The following SVIL variants were observed in gnomAD, a reference collection of about 807,000 sequenced individuals.
SVIL encodes the protein supervillin, also known as archvillin.
SVIL carries 101 observed loss-of-function variants against 240.4 expected under a neutral mutation model. The observed-to-expected ratio is 0.42, with a 90% CI of 0.36 to 0.50. SVIL has a LOEUF of 0.50. SVIL is among the 20% of genes least tolerant of loss of function. SVIL has a pLI of 0.01. For synonymous variants in SVIL, 999 were observed against 1,100.0 expected, an observed-to-expected ratio of 0.91 and a Z score of 1.82; for missense variants, 2,512 against 2,818.7, an observed-to-expected ratio of 0.89 and a Z score of 2.46.
chr10:29,565,519 G>A (rs1954898394), intron 2 of SVIL, among the ~76,000 whole-genome samples: 1 of 152,118 alleles, frequency 6.6e-6, no homozygotes, highest in African/African-American at 2.4e-5. Flanking sequence ...GCCATCGTGT[G>A]GCTTCATTTC....
chr10:29,531,224 A>G, intron 10 of SVIL, 30 bp downstream of exon 10: 1 of 1,611,544 alleles, frequency 6.2e-7, no homozygotes, highest in South Asian at 1.1e-5. Flanking sequence ...GAGATAATAA[A>G]GAAGAAAAAA....
At chr10:29,472,668 T>C (rs1265464899) in intron 30 of SVIL, among the ~76,000 whole-genome samples, 3 of 151,906 alleles carry the variant, frequency 2.0e-5, no homozygotes, top group Non-Finnish European at 4.4e-5. Context: ...CTGCCAAGCA[T>C]GATGCAGGCC....
At chr10:29,660,722 T>A (rs904802493) in intron 2 of SVIL, among the ~76,000 whole-genome samples, 1 of 152,316 alleles carries the variant, frequency 6.6e-6, no homozygotes, top group East Asian at 1.9e-4. Context: ...GCTCACGTCT[T>A]CCCCTGGCTC....
intron 1 of SVIL, among the ~76,000 whole-genome samples, chr10:29,693,318 G>T (rs1284951573): frequency 6.6e-6 from 1 of 150,930 alleles, no homozygotes; most frequent in Non-Finnish European, 1.5e-5. Context: ...GGGATGGGGG[G>T]TGGGGGAGAG....
At chr10:29,459,987 G>A (rs958313712) in intron 36 of SVIL, among the ~76,000 whole-genome samples, 1 of 152,142 alleles carries the variant, frequency 6.6e-6, no homozygotes, top group Non-Finnish European at 1.5e-5. Context: ...CCTACTTGGG[G>A]TGGCTGAGGT....
At chr10:29,718,099 G>A (rs887901334) in intron 1 of SVIL, among the ~76,000 whole-genome samples, 9 of 152,022 alleles carry the variant, frequency 5.9e-5, no homozygotes, top group Non-Finnish European at 1.0e-4. Flanking sequence ...AGGCCGAGGC[G>A]GGTGGATCAT....
chr10:29,718,725 T>C (rs1963791005), intron 1 of SVIL, among the ~76,000 whole-genome samples: 1 of 152,102 alleles, frequency 6.6e-6, no homozygotes, highest in South Asian at 2.1e-4. Flanking sequence ...GCAAACTACA[T>C]GTGCCTGAGG....
chr10:29,652,794 T>C (rs1251721881), intron 3 of SVIL, among the ~76,000 whole-genome samples: 2 of 152,218 alleles, frequency 1.3e-5, no homozygotes, highest in African/African-American at 2.4e-5. Context: ...TGGCTAATGA[T>C]AGTAAAAACC....
intron 1 of SVIL, among the ~76,000 whole-genome samples, chr10:29,591,384 A>G (rs920557838): frequency 1.3e-5 from 2 of 152,200 alleles, no homozygotes; most frequent in African/African-American, 2.4e-5. Flanking sequence ...AGGGAATCCA[A>G]ACTAAGAGGC....
At chr10:29,499,094 A>C (rs746513056) in intron 18 of SVIL, 22 bp downstream of exon 18, 1 of 1,611,700 alleles carries the variant, frequency 6.2e-7, no homozygotes, top group Non-Finnish European at 8.5e-7. Flanking sequence ...CACACCACAC[A>C]CATGGACACA....
chr10:29,529,175 C>CAA (rs66523560), intron 12 of SVIL, among the ~76,000 whole-genome samples: 58 of 66,038 alleles, frequency 8.8e-4, no homozygotes, highest in African/African-American at 1.3e-3. Context: ...GACTCTCTCT[C>CAA]AAAAAAAAAA....
intron 3 of SVIL, among the ~76,000 whole-genome samples, chr10:29,562,131 G>GA (rs1390675407): frequency 6.6e-6 from 1 of 152,130 alleles, no homozygotes; most frequent in East Asian, 1.9e-4. Flanking sequence ...TTTCAGAGTA[G>GA]AAAAAATCTG....
chr10:29,468,883 TAC>T (rs1379734543), intron 32 of SVIL: 3 of 152,120 alleles, frequency 2.0e-5, no homozygotes, highest in African/African-American at 7.2e-5. Context: ...TACAGAACAA[TAC>T]ATATTGACTA....
intron 12 of SVIL, among the ~76,000 whole-genome samples, chr10:29,528,002 T>A (rs1951060039): frequency 6.6e-6 from 1 of 152,162 alleles, no homozygotes. Flanking sequence ...GTGCTGGGAT[T>A]ACAGGTGTGA....
chr10:29,470,474 C>T lies in SVIL; in HGVS notation c.5645G>A (p.Arg1882Gln), dbSNP rs118012084. 6.2e-6 allele frequency: 10 copies of T among 1,614,106 alleles called. No homozygotes were observed. In the East Asian group the frequency reaches 6.7e-5, roughly 11 times the overall value. ...CACCTCTCCACGCACGCAGTACAGC[C>T]GCCACTCACCTGCAGGGGGCACCGG... ...EEEENVQSEW[R>Q]LYCVRGEVPV... Residue 1882 changes from arginine to glutamine, a missense_variant, in exon 32 of 38, where the codon CGG becomes CAG. Arg to Gln is a conservative substitution (Grantham distance 43, BLOSUM62 1). Transcript: ENST00000355867.
rs886107579 is a variant in SVIL, at chr10:29,659,470, T to C, written c.-300-1402A>G. Among the ~76,000 whole-genome samples the C allele has an allele frequency of 1.3e-5, 2 of 152,192 alleles. 1 individual carries two copies. The highest frequency in any genetic ancestry group is 4.1e-4 in the South Asian group (2 of 4,832). ...GCAACAGCTGGCACCACACCAGGCA[T>C]TGCAAGAAACCACAGCTGAATTCCT... On this transcript the variant is annotated intron_variant, in intron 2 of 35. Coordinates refer to the SVIL transcript ENST00000375400.
rs183121122 is a variant in SVIL, at chr10:29,465,561, A to G, written c.6133+34T>C. The G allele has an allele frequency of 1.9e-3, 3,034 of 1,558,620 alleles. 29 individuals carry two copies. Among genetic ancestry groups the G allele is most frequent in the South Asian group, 0.014 (1,174 of 84,066 alleles). Reference sequence around the variant, plus strand: ...AGGCTTTCTGGAAGATGTGCCTTCTACTGCTCAGCATAGCTGCCCCCTGCA... The same window carrying G: ...AGGCTTTCTGGAAGATGTGCCTTCTGCTGCTCAGCATAGCTGCCCCCTGCA... On this transcript the variant is annotated intron_variant, in intron 34 of 37. Coordinates refer to ENST00000355867, the MANE Select transcript of SVIL (RefSeq NM_021738.3).
chr10:29,682,272 A>G (rs1241188694), intron 2 of SVIL, among the ~76,000 whole-genome samples: 3 of 152,180 alleles, frequency 2.0e-5, no homozygotes, highest in Admixed American at 2.0e-4. Flanking sequence ...ATCTCAGCCC[A>G]CAGTCCCATA....
At chr10:29,696,373 C>T (rs1392375399) in intron 1 of SVIL, among the ~76,000 whole-genome samples, 2 of 151,986 alleles carry the variant, frequency 1.3e-5, no homozygotes, top group African/African-American at 2.4e-5. Flanking sequence ...CCGGCCGCCA[C>T]CCCGTCTGGG....
Sources: allele counts gnomAD v4.1 joint callset (sites outside exome capture counted in the v4.1 genomes callset), GRCh38; gene constraint gnomAD v4.1.1; transcripts MANE v1.5; gene names NCBI Gene and HGNC (gene_info 2026-07-23, HGNC 2026-07-21).